The following SPATA16 variants were observed in gnomAD, a reference collection of about 807,000 sequenced individuals.
SPATA16 encodes spermatogenesis associated 16, also known as spermatogenesis-associated protein 16.
SPATA16 carries 36 observed loss-of-function variants against 63.3 expected under a neutral mutation model. The observed-to-expected ratio is 0.57, with a 90% confidence interval of 0.44 to 0.75. The LOEUF (loss-of-function observed/expected upper bound fraction) is 0.75, where lower values mean the gene tolerates loss of function less well. SPATA16 is among the 30% of genes least tolerant of loss of function. SPATA16 has a pLI of 0.00. For synonymous variants in SPATA16, 203 were observed against 216.7 expected, an observed-to-expected ratio of 0.94 and a Z score of 0.56; for missense variants, 646 against 679.3, an observed-to-expected ratio of 0.95 and a Z score of 0.54.
Position 173,035,850 on chromosome 3 carries a change from A to T in SPATA16, c.758+13099T>A, listed in dbSNP as rs115752647. Among the ~76,000 whole-genome samples the T allele has an allele frequency of 8.3e-3, 1,264 of 152,132 alleles. 14 individuals carry two copies. The highest frequency in any genetic ancestry group is 0.029 in the African/African-American group (1,210 of 41,556). On this transcript the variant is annotated intron_variant, in intron 3 of 10. Coordinates refer to ENST00000351008, the MANE Select transcript of SPATA16 (RefSeq NM_031955.6). Reference sequence around the variant, plus strand: ...TTGACATTTGCACCAATGTTGCAAAAGCATGGTAGGGAAAACAGCTGGCTT... The same window carrying T: ...TTGACATTTGCACCAATGTTGCAAATGCATGGTAGGGAAAACAGCTGGCTT...
At chr3:173,072,818 T>G (rs894832071) in intron 2 of SPATA16, among the ~76,000 whole-genome samples, 1 of 152,248 alleles carries the variant, frequency 6.6e-6, no homozygotes, top group African/African-American at 2.4e-5. Flanking sequence ...ACTTTAGTAC[T>G]GGTTAACAGT....
intron 6 of SPATA16, among the ~76,000 whole-genome samples, chr3:172,932,868 T>C (rs1050685040): frequency 1.3e-5 from 2 of 152,194 alleles, no homozygotes; most frequent in African/African-American, 2.4e-5. Flanking sequence ...TGGTTTTCAT[T>C]CCCGAGATTC....
chr3:172,894,850 G>A (rs1403366829), intron 10 of SPATA16, among the ~76,000 whole-genome samples: 1 of 152,108 alleles, frequency 6.6e-6, no homozygotes, highest in African/African-American at 2.4e-5. Context: ...CCAGAAAAGG[G>A]GCCTTCAGTG....
intron 10 of SPATA16, among the ~76,000 whole-genome samples, chr3:172,894,997 TAA>T (rs113592613): frequency 1.2e-3 from 188 of 151,840 alleles, no homozygotes; most frequent in African/African-American, 4.2e-3. Context: ...GTATCATAGT[TAA>T]AAAAAAATTA....
chr3:173,119,911 A>C (rs1451056252), intron 1 of SPATA16, among the ~76,000 whole-genome samples: 1 of 151,838 alleles, frequency 6.6e-6, no homozygotes, highest in Non-Finnish European at 1.5e-5. Context: ...AACATGGTGC[A>C]ACCCTATCTG....
At chr3:173,110,640 G>T (rs1007560818) in intron 2 of SPATA16, among the ~76,000 whole-genome samples, 1 of 146,782 alleles carries the variant, frequency 6.8e-6, no homozygotes, top group African/African-American at 2.7e-5. Flanking sequence ...CTATGTGAAA[G>T]CACCTTATTA....
chr3:173,094,538 G>A (rs1737302433), intron 2 of SPATA16, among the ~76,000 whole-genome samples: 1 of 152,130 alleles, frequency 6.6e-6, no homozygotes, highest in African/African-American at 2.4e-5. Flanking sequence ...ATCAGGGCAG[G>A]TCTAGTCAAA....
At chr3:173,126,310 G>A (rs569403365) in intron 1 of SPATA16, among the ~76,000 whole-genome samples, 1 of 152,264 alleles carries the variant, frequency 6.6e-6, no homozygotes, top group East Asian at 1.9e-4. Flanking sequence ...AACACAATTT[G>A]TAAAAACAAT....
chr3:172,990,042 C>A lies in SPATA16; in HGVS notation c.849-12990G>T, dbSNP rs1053710124. On this transcript the variant is annotated intron_variant, in intron 4 of 10. Transcript: ENST00000351008. The stretch of plus-strand genomic sequence containing the variant: ...ACTTTGCTTATGTCATCTCTTAGAG[C>A]CCTCTAAGTCTCCCTTTTAAATTAG... Among the ~76,000 whole-genome samples, 3 of 152,270 alleles carry A rather than the reference C, an allele frequency of 2.0e-5. No individual in the cohort carries two copies. The East Asian group carries it at 5.8e-4, about 29-fold the overall frequency.
intron 4 of SPATA16, among the ~76,000 whole-genome samples, chr3:173,018,521 C>T (rs146896312): frequency 0.01 from 1,573 of 152,236 alleles, 31 homozygotes; most frequent in African/African-American, 0.036. Context: ...GGTGATCCAC[C>T]TGCCTCGGCC....
chr3:172,986,042 A>G (rs1734447113), intron 4 of SPATA16, among the ~76,000 whole-genome samples: 1 of 152,198 alleles, frequency 6.6e-6, no homozygotes, highest in African/African-American at 2.4e-5. Context: ...CTTGTGTTTA[A>G]TAGGGACAGT....
At chr3:172,892,878 T>C (rs534082837) in intron 10 of SPATA16, among the ~76,000 whole-genome samples, 1 of 152,284 alleles carries the variant, frequency 6.6e-6, no homozygotes, top group African/African-American at 2.4e-5. Flanking sequence ...CGTTGAAAAA[T>C]GGGCAGATAA....
intron 2 of SPATA16, among the ~76,000 whole-genome samples, chr3:173,104,964 C>T (rs1737585186): frequency 6.6e-6 from 1 of 152,154 alleles, no homozygotes; most frequent in East Asian, 1.9e-4. Flanking sequence ...TCATGCTGTC[C>T]ACTTCTTTTT....
rs146555049 is a variant in SPATA16 at position 172,988,267 on chromosome 3, C to G, written c.849-11215G>C. Among the ~76,000 whole-genome samples, 372 of 152,258 alleles carry G rather than the reference C, an allele frequency of 2.4e-3. 2 individuals are homozygous for G. Among genetic ancestry groups the G allele is most frequent in the Middle Eastern group, 6.8e-3 (2 of 294 alleles). On this transcript the variant is annotated intron_variant, in intron 4 of 10. Coordinates refer to ENST00000351008, the MANE Select transcript of SPATA16 (RefSeq NM_031955.6). Reference sequence around the variant, plus strand: ...AAATGATACACATTTATCAGTTATGCAATGTTTTGCCAATGAAATAAAACT... The same window carrying G: ...AAATGATACACATTTATCAGTTATGGAATGTTTTGCCAATGAAATAAAACT...
chr3:172,899,714 T>C (rs1732084053), intron 10 of SPATA16, among the ~76,000 whole-genome samples: 1 of 152,086 alleles, frequency 6.6e-6, no homozygotes, highest in African/African-American at 2.4e-5. Flanking sequence ...CCTACCTTTT[T>C]GAGGTTAAAC....
At chr3:173,004,915 T>C (rs1382884934) in intron 4 of SPATA16, among the ~76,000 whole-genome samples, 1 of 152,212 alleles carries the variant, frequency 6.6e-6, no homozygotes, top group Non-Finnish European at 1.5e-5. Context: ...ACAAATTCAC[T>C]TGGCAACACT....
intron 2 of SPATA16, among the ~76,000 whole-genome samples, chr3:173,062,187 C>T (rs974002953): frequency 1.3e-5 from 2 of 151,840 alleles, no homozygotes; most frequent in African/African-American, 4.8e-5. Context: ...ACACATTAAC[C>T]TTCAGAGTTT....
At chr3:172,956,218 C>T (rs1386960019) in intron 6 of SPATA16, among the ~76,000 whole-genome samples, 1 of 151,978 alleles carries the variant, frequency 6.6e-6, no homozygotes, top group Admixed American at 6.6e-5. Context: ...TCTTAGCTAT[C>T]CAGATCTCAT....
intron 8 of SPATA16, among the ~76,000 whole-genome samples, chr3:172,919,504 A>C (rs1424776166): frequency 1.3e-5 from 2 of 152,140 alleles, no homozygotes; most frequent in African/African-American, 2.4e-5. Context: ...CAGAAGTGTA[A>C]AGAGAATCAT....
Sources: allele counts gnomAD v4.1 joint callset (sites outside exome capture counted in the v4.1 genomes callset), GRCh38; gene constraint gnomAD v4.1.1; transcripts MANE v1.5; gene names NCBI Gene and HGNC (gene_info 2026-07-23, HGNC 2026-07-21).